The following RANBP2 variants were observed in gnomAD, a reference collection of about 807,000 sequenced individuals.
RANBP2 encodes the protein E3 SUMO-protein ligase RanBP2.
Under a neutral mutation model 303.6 loss-of-function variants are expected in RANBP2, and 57 were observed. The ratio of observed to expected loss-of-function variants is 0.19; its 90% confidence interval spans 0.15 to 0.23. The LOEUF (loss-of-function observed/expected upper bound fraction) is 0.23. Among genes scored for constraint, RANBP2 ranks in the 10% least tolerant of loss-of-function variants. The pLI is 1.00. For missense variants in RANBP2, 3,138 were observed against 3,780.8 expected (o/e 0.83, Z 4.46); for synonymous variants, 1,167 against 1,301.5 (o/e 0.90, Z 2.23).
chr2:109,227,215 C>T, the RANBP2 span, among the ~76,000 whole-genome samples: 1 of 152,126 alleles, frequency 6.6e-6, no homozygotes, highest in Non-Finnish European at 1.5e-5. Flanking sequence ...GAGGATCCCA[C>T]CCAGGCCTCA....
At chr2:108,777,667 T>C (rs1019253841) in intron 25 of RANBP2, among the ~76,000 whole-genome samples, 8 of 152,180 alleles carry the variant, frequency 5.3e-5, no homozygotes, top group Non-Finnish European at 2.9e-5. Flanking sequence ...AAGTTTATAA[T>C]TGGTGTGCTT....
At chr2:108,740,995 A>G (rs1246588876) in intron 7 of RANBP2, among the ~76,000 whole-genome samples, 1 of 152,120 alleles carries the variant, frequency 6.6e-6, no homozygotes, top group African/African-American at 2.4e-5. Flanking sequence ...TATTATGGGT[A>G]AAGCTTGATT....
At chr2:109,600,702 G>T in the RANBP2 span, among the ~76,000 whole-genome samples, 2 of 151,998 alleles carry the variant, frequency 1.3e-5, no homozygotes, top group African/African-American at 4.8e-5. Flanking sequence ...TTCTCTACTT[G>T]GCAATAGAGT....
chr2:109,161,662 C>T, the RANBP2 span, among the ~76,000 whole-genome samples: 1 of 151,686 alleles, frequency 6.6e-6, no homozygotes, highest in Non-Finnish European at 1.5e-5. Context: ...TTGTGGAAGG[C>T]GAAGGGGAGC....
chr2:108,898,443 TCTC>T, the RANBP2 span, among the ~76,000 whole-genome samples: 6 of 151,914 alleles, frequency 3.9e-5, no homozygotes, highest in Non-Finnish European at 8.8e-5. Context: ...GCACCCTCAT[TCTC>T]CTGCCACAGA....
chr2:108,911,123 G>C, the RANBP2 span: 1 of 1,612,300 alleles, frequency 6.2e-7, no homozygotes, highest in Non-Finnish European at 8.5e-7. Context: ...ATCCCTGCTG[G>C]TCTTCCCTCC....
At chr2:109,134,403 C>T in the RANBP2 span, among the ~76,000 whole-genome samples, 1 of 152,190 alleles carries the variant, frequency 6.6e-6, no homozygotes, top group Non-Finnish European at 1.5e-5. Flanking sequence ...GTTGATATGA[C>T]AGCTGAGTTA....
chr2:109,347,606 C>T, the RANBP2 span: 78 of 1,556,458 alleles, frequency 5.0e-5, no homozygotes, highest in South Asian at 5.5e-4. Context: ...CGGCCTGCCC[C>T]GGCAGATCCA....
chr2:109,487,102 C>G, the RANBP2 span, among the ~76,000 whole-genome samples: 26 of 152,294 alleles, frequency 1.7e-4, no homozygotes, highest in Admixed American at 5.9e-4. Flanking sequence ...AACAGGGATG[C>G]CAAATCCACA....
chr2:109,087,293 ACT>A, the RANBP2 span, among the ~76,000 whole-genome samples: 2 of 151,752 alleles, frequency 1.3e-5, no homozygotes, highest in Non-Finnish European at 2.9e-5. Flanking sequence ...AGGGAGGTGG[ACT>A]CTCTCTTGTG....
At chr2:109,200,625 T>C in the RANBP2 span, among the ~76,000 whole-genome samples, 1 of 152,156 alleles carries the variant, frequency 6.6e-6, no homozygotes, top group South Asian at 2.1e-4. Context: ...AAAGTGAGCT[T>C]GTCCCAGCAG....
the RANBP2 span, among the ~76,000 whole-genome samples, chr2:109,620,791 C>CT: frequency 1.3e-5 from 2 of 152,186 alleles, no homozygotes; most frequent in African/African-American, 4.8e-5. Context: ...CTTAAATAGT[C>CT]TAAGTACTGT....
chr2:109,430,789 T>C, the RANBP2 span, among the ~76,000 whole-genome samples: 46 of 152,324 alleles, frequency 3.0e-4, no homozygotes, highest in South Asian at 9.5e-3. Context: ...TGATTTTGTG[T>C]ATCCTCCTGA....
chr2:108,944,681 C>G, the RANBP2 span, among the ~76,000 whole-genome samples: 7 of 152,156 alleles, frequency 4.6e-5, no homozygotes, highest in African/African-American at 1.7e-4. Flanking sequence ...AGGAGAGGCC[C>G]TGGGTCCTGG....
the RANBP2 span, among the ~76,000 whole-genome samples, chr2:109,403,435 A>G: frequency 6.6e-6 from 1 of 152,210 alleles, no homozygotes; most frequent in Admixed American, 6.5e-5. Context: ...CCGAGGCCCC[A>G]GGGGTAGTGG....
chr2:109,521,086 G>A, the RANBP2 span, among the ~76,000 whole-genome samples: 154 of 152,076 alleles, frequency 1.0e-3, no homozygotes, highest in African/African-American at 3.7e-3. Context: ...GCGTGGTGGC[G>A]GGCACCTGTA....
the RANBP2 span, among the ~76,000 whole-genome samples, chr2:109,076,251 A>G: frequency 3.3e-5 from 5 of 150,726 alleles, no homozygotes; most frequent in Admixed American, 3.3e-4. Context: ...ATTTATGACA[A>G]AAACTCTAAA....
In RANBP2 at chr2:108,740,659, T is replaced by C; in HGVS notation, c.953T>C (p.Leu318Ser). The C allele has an allele frequency of 6.3e-7, 1 of 1,597,554 alleles. No homozygotes were observed. The highest frequency in any genetic ancestry group is 2.2e-5 in the East Asian group (1 of 44,872). The change falls in exon 7 of 29, where the codon TTG becomes TCG. Residue 318 changes from leucine (L) to serine (S), a missense_variant. Transcript: ENST00000283195. ...CGAGCTCTTTCTGAGCTGGCTGCAT[T>C]GTGCTATCTCATAGCATTTCAGGTA... ...QWRALSELAA[L>S]CYLIAFQVPR... is the part of the protein sequence containing the mutation.
chr2:109,546,406 G>C, the RANBP2 span, among the ~76,000 whole-genome samples: 41 of 152,058 alleles, frequency 2.7e-4, no homozygotes, highest in Middle Eastern at 0.014. Flanking sequence ...GTTTACATAT[G>C]GAATTCCCTT....
Sources: allele counts gnomAD v4.1 joint callset (sites outside exome capture counted in the v4.1 genomes callset), GRCh38; gene constraint gnomAD v4.1.1; transcripts MANE v1.5; gene names NCBI Gene and HGNC (gene_info 2026-07-23, HGNC 2026-07-21).